Variants in PDE11A observed in about 807,000 individuals in gnomAD.
The protein encoded by PDE11A is phosphodiesterase 11A.
In PDE11A, 100 loss-of-function variants were observed where a neutral mutation model predicts 100.5. The observed-to-expected ratio is 1.00, with a 90% CI of 0.85 to 1.18. The LOEUF is 1.18. Ranked by LOEUF, PDE11A falls within the 50% of genes most tolerant of loss-of-function variation. PDE11A has a pLI of 0.00. For synonymous variants in PDE11A, 381 were observed against 420.8 expected, an observed-to-expected ratio of 0.91 and a Z score of 1.16; for missense variants, 1,141 against 1,152.6, an observed-to-expected ratio of 0.99 and a Z score of 0.15.
In PDE11A at chr2:178,072,452, T is replaced by A. The variant is rs758119508; in HGVS notation, c.-15A>T. The A allele has an allele frequency of 2.5e-5, 40 of 1,612,874 alleles. No homozygotes were observed. Among genetic ancestry groups the A allele is most frequent in the Non-Finnish European group, 3.1e-5 (37 of 1,180,024 alleles). ...GAGGCTGCCATGGTCCCAGACAGCT[T>A]TCCTTGCCTGTTTACACGTGAACCA... On this transcript the variant is annotated 5_prime_UTR_variant, in exon 1 of 20. Coordinates refer to ENST00000286063, the MANE Select transcript of PDE11A (RefSeq NM_016953.4).
chr2:177,829,753 A>C (rs1205090272), intron 6 of PDE11A, among the ~76,000 whole-genome samples: 2 of 151,960 alleles, frequency 1.3e-5, no homozygotes, highest in Non-Finnish European at 2.9e-5. Flanking sequence ...TGCCCAGCCT[A>C]TAATAAGCAA....
intron 6 of PDE11A, among the ~76,000 whole-genome samples, chr2:177,831,963 T>C (rs1021997211): frequency 1.3e-5 from 2 of 152,166 alleles, no homozygotes; most frequent in Admixed American, 6.5e-5. Flanking sequence ...GCTTGGGCAG[T>C]ACAGGTATTA....
At chr2:177,794,176 C>T (rs532674247) in intron 9 of PDE11A, among the ~76,000 whole-genome samples, 12 of 151,880 alleles carry the variant, frequency 7.9e-5, no homozygotes, top group Admixed American at 2.6e-4. Context: ...AAAGGGGGCA[C>T]GGCAGATTTA....
intron 13 of PDE11A, among the ~76,000 whole-genome samples, chr2:177,707,946 T>C (rs932274294): frequency 6.6e-6 from 1 of 152,190 alleles, no homozygotes; most frequent in Non-Finnish European, 1.5e-5. Flanking sequence ...TTATCCCATC[T>C]TTCTGCATAA....
intron 2 of PDE11A, among the ~76,000 whole-genome samples, chr2:178,011,433 C>G (rs2086273220): frequency 6.6e-6 from 1 of 152,020 alleles, no homozygotes; most frequent in African/African-American, 2.4e-5. Context: ...TATAGAAGAC[C>G]AGTTTATAAT....
rs901555337 is a variant in PDE11A, at chr2:177,697,405, A to C, written c.2272T>G (p.Ser758Ala). 5 of 1,588,746 alleles carry C rather than the reference A, an allele frequency of 3.1e-6. No individual in the cohort carries two copies. Among genetic ancestry groups the C allele is most frequent in the Non-Finnish European group, 4.3e-6 (5 of 1,157,206 alleles). The stretch of plus-strand genomic sequence containing the variant: ...TGCATAAGGTCACTATATTCCTTGG[A>C]GGACAGGTTAGCAAAGATATTGTGA... The part of the protein sequence containing the change: ...EGHNIFANLS[S>A]KEYSDLMQLL... Residue 758 changes from serine (S) to alanine (A), a missense_variant, in exon 15 of 20, where the codon TCC becomes GCC. Coordinates refer to ENST00000286063, the MANE Select transcript of PDE11A (RefSeq NM_016953.4).
At chr2:177,739,833 G>A (rs533952345) in intron 10 of PDE11A, among the ~76,000 whole-genome samples, 1 of 152,298 alleles carries the variant, frequency 6.6e-6, no homozygotes, top group East Asian at 1.9e-4. Flanking sequence ...AGCACATGAA[G>A]CATTATGAAA....
At chr2:177,937,319 C>CTTTTTT (rs33967413) in intron 2 of PDE11A, among the ~76,000 whole-genome samples, 4 of 125,762 alleles carry the variant, frequency 3.2e-5, no homozygotes, top group South Asian at 2.6e-4. Context: ...AAATTGAAAG[C>CTTTTTT]TTTTTTTTTT....
At chr2:177,936,764 T>C (rs1030472070) in intron 2 of PDE11A, among the ~76,000 whole-genome samples, 6 of 152,000 alleles carry the variant, frequency 3.9e-5, no homozygotes, top group Non-Finnish European at 7.4e-5. Flanking sequence ...CTACTAAAAG[T>C]ACAAAAATTA....
chr2:177,971,089 G>A (rs527852104), intron 2 of PDE11A, among the ~76,000 whole-genome samples: 7 of 152,308 alleles, frequency 4.6e-5, no homozygotes, highest in Admixed American at 2.0e-4. Context: ...GATTCTATAG[G>A]ATTGAGAAGC....
chr2:177,845,849 C>T (rs1297670276), intron 5 of PDE11A, among the ~76,000 whole-genome samples: 3 of 152,308 alleles, frequency 2.0e-5, no homozygotes, highest in South Asian at 4.1e-4. Flanking sequence ...GCCAACACAG[C>T]GAAACCCCGT....
chr2:177,787,007 GC>G (rs2105527390), intron 9 of PDE11A, among the ~76,000 whole-genome samples: 1 of 145,156 alleles, frequency 6.9e-6, no homozygotes, highest in Admixed American at 6.8e-5. Context: ...AGCAAGGCAG[GC>G]CAACATTCAG....
chr2:177,759,364 ATAT>A (rs1214555566), intron 10 of PDE11A, among the ~76,000 whole-genome samples: 2 of 152,212 alleles, frequency 1.3e-5, no homozygotes, highest in African/African-American at 4.8e-5. Context: ...ACTATAGGAA[ATAT>A]TATAAAAAAT....
intron 2 of PDE11A, among the ~76,000 whole-genome samples, chr2:177,939,279 A>G (rs1054939221): frequency 1.3e-5 from 2 of 151,976 alleles, no homozygotes; most frequent in African/African-American, 4.8e-5. Context: ...ATACTACACT[A>G]CAACTAATAA....
rs373525167 is a variant in PDE11A at position 177,710,371 on chromosome 2, G to A, written c.2153+1398C>T. On this transcript the variant is annotated intron_variant, in intron 13 of 19. Transcript: ENST00000286063. ...ATCTGCTGAGTGGTGCGGGGGAGGC[G>A]GGGGAGCAGGAGGTGGTTTTGGAAG... Among the ~76,000 whole-genome samples, 144 of 152,224 alleles carry A rather than the reference G, an allele frequency of 9.5e-4. 1 individual carries two copies. In the South Asian group the frequency reaches 0.011, roughly 12 times the overall value.
At position 178,057,663 on chromosome 2, in the gene PDE11A, C is replaced by T. The variant is rs183003998; in HGVS notation, c.912+13863G>A. Among the ~76,000 whole-genome samples, 9 of 152,302 alleles carry T rather than the reference C, an allele frequency of 5.9e-5. No individual in the cohort carries two copies. The East Asian group carries it at 1.5e-3, about 26-fold the overall frequency. On this transcript the variant is annotated intron_variant, in intron 1 of 19. Coordinates refer to ENST00000286063, the MANE Select transcript of PDE11A (RefSeq NM_016953.4). ...CACAGTCTTTCTCTCCTGCTCCATC[C>T]TTCCAACCTTGTTCATTCCTCTTCT...
chr2:178,105,325 T>C (rs1361793461), intron 1 of PDE11A, among the ~76,000 whole-genome samples: 1 of 152,126 alleles, frequency 6.6e-6, no homozygotes, highest in Admixed American at 6.5e-5. Flanking sequence ...CCGGGTGTGG[T>C]GGCGGACGCC....
intron 10 of PDE11A, among the ~76,000 whole-genome samples, chr2:177,745,981 G>A (rs2081942715): frequency 6.6e-6 from 1 of 152,178 alleles, no homozygotes; most frequent in South Asian, 2.1e-4. Flanking sequence ...GGGCCTCAAT[G>A]CCTTTCAATA....
At chr2:177,810,495 A>G (rs896607971) in intron 9 of PDE11A, among the ~76,000 whole-genome samples, 7 of 152,160 alleles carry the variant, frequency 4.6e-5, no homozygotes, top group Non-Finnish European at 8.8e-5. Flanking sequence ...GAATGATGGG[A>G]ACATTTTGAG....
Sources: gnomAD v4.1 joint callset for allele counts (sites outside exome capture counted in the v4.1 genomes callset) on GRCh38, gnomAD v4.1.1 for gene constraint, MANE v1.5 for transcripts, NCBI Gene and HGNC (gene_info 2026-07-23, HGNC 2026-07-21) for gene names.